VWA8: variants seen among roughly 807,000 people sequenced by gnomAD.
The protein encoded by VWA8 is von Willebrand factor A domain containing 8, also known as von Willebrand factor A domain-containing protein 8.
A neutral mutation model predicts 241.5 loss-of-function variants in VWA8; 221 were observed. The observed-to-expected ratio is 0.91, with a 90% CI of 0.82 to 1.02. The LOEUF (loss-of-function observed/expected upper bound fraction) is 1.02, where lower values mean the gene tolerates loss of function less well. Among genes scored for constraint, VWA8 ranks in the 50% least tolerant of loss-of-function variants. VWA8 has a pLI of 0.00. For missense variants in VWA8, 2,322 were observed against 2,328.7 expected (o/e 1.00, Z 0.06); for synonymous variants, 852 against 827.1 (o/e 1.03, Z -0.52).
chr13:41,935,763 GTT>G (rs1236352769), intron 2 of VWA8, among the ~76,000 whole-genome samples: 4 of 143,468 alleles, frequency 2.8e-5, no homozygotes, highest in Non-Finnish European at 3.1e-5. Context: ...ATTGTTCGAG[GTT>G]TTTTTTTTTT....
chr13:41,636,211 A>G (rs1470191984), intron 37 of VWA8, among the ~76,000 whole-genome samples: 2 of 152,096 alleles, frequency 1.3e-5, no homozygotes, highest in African/African-American at 4.8e-5. Flanking sequence ...GTAACCAAAA[A>G]CTGCTACCAA....
chr13:41,707,795 C>T (rs1397291788), intron 26 of VWA8, among the ~76,000 whole-genome samples: 2 of 152,170 alleles, frequency 1.3e-5, no homozygotes, highest in African/African-American at 4.8e-5. Context: ...TTCCTTTCTG[C>T]TCTGGCCTCC....
At chr13:41,740,284 T>C (rs1213498749) in intron 21 of VWA8, among the ~76,000 whole-genome samples, 1 of 152,190 alleles carries the variant, frequency 6.6e-6, no homozygotes, top group African/African-American at 2.4e-5. Flanking sequence ...TTGATGTAGA[T>C]TTTTTTAAAA....
chr13:41,578,870 G>A (rs1158581238), intron 42 of VWA8, among the ~76,000 whole-genome samples: 1 of 152,166 alleles, frequency 6.6e-6, no homozygotes, highest in African/African-American at 2.4e-5. Context: ...CTCAACTGCA[G>A]AGGACCAATT....
At chr13:41,923,984 A>C (rs1228317858) in intron 2 of VWA8, among the ~76,000 whole-genome samples, 1 of 152,096 alleles carries the variant, frequency 6.6e-6, no homozygotes, top group Non-Finnish European at 1.5e-5. Context: ...ACACACACAC[A>C]AACACACACA....
At position 41,927,292 on chromosome 13, in the gene VWA8, A is replaced by G. The variant is rs545931454; in HGVS notation, c.242-15124T>C. On this transcript the variant is annotated intron_variant, in intron 2 of 44. Transcript: ENST00000379310. ...ATTTCCTGCTATAAAACCCAAAGAC[A>G]AGGAGAATGTAGCAACCACTGATAT... is the stretch of plus-strand genomic sequence containing the variant. The G allele has an allele frequency of 5.8e-5, 30 of 517,376 alleles. No homozygotes were observed. The East Asian group carries it at 1.6e-3, about 28-fold the overall frequency. 32.0% of individuals were successfully genotyped at this position (517,376 alleles called of 1,614,324 possible).
intron 10 of VWA8, among the ~76,000 whole-genome samples, chr13:41,867,646 A>T (rs1349154895): frequency 6.6e-6 from 1 of 152,252 alleles, no homozygotes; most frequent in African/African-American, 2.4e-5. Flanking sequence ...CATGGTGGAT[A>T]TAATCAATAT....
intron 12 of VWA8, among the ~76,000 whole-genome samples, chr13:41,854,725 G>A (rs1305181322): frequency 6.6e-6 from 1 of 152,072 alleles, no homozygotes; most frequent in African/African-American, 2.4e-5. Flanking sequence ...AGTTATTACA[G>A]TACAGAATGA....
At chr13:41,870,730 C>T (rs1047540874) in intron 9 of VWA8, among the ~76,000 whole-genome samples, 1 of 151,874 alleles carries the variant, frequency 6.6e-6, no homozygotes, top group Non-Finnish European at 1.5e-5. Context: ...TTTCCCACAG[C>T]TAGAGTAGTG....
At chr13:41,923,618 T>C (rs1342019388) in intron 2 of VWA8, among the ~76,000 whole-genome samples, 1 of 152,044 alleles carries the variant, frequency 6.6e-6, no homozygotes, top group Non-Finnish European at 1.5e-5. Flanking sequence ...CTGTGGGCTG[T>C]GTCAGACTAG....
chr13:41,767,480 A>T (rs1388097390), intron 20 of VWA8, among the ~76,000 whole-genome samples: 2 of 152,256 alleles, frequency 1.3e-5, no homozygotes, highest in Non-Finnish European at 2.9e-5. Flanking sequence ...ATAACAAAAT[A>T]AGAGATCACT....
intron 43 of VWA8, among the ~76,000 whole-genome samples, chr13:41,574,833 T>C (rs1049090887): frequency 3.3e-5 from 5 of 152,186 alleles, no homozygotes. Flanking sequence ...GTACAACCAC[T>C]ATGGAAAACA....
At chr13:41,691,619 T>G (rs1392929270) in intron 31 of VWA8, among the ~76,000 whole-genome samples, 174 bp from the exon 32 acceptor site, 1 of 152,128 alleles carries the variant, frequency 6.6e-6, no homozygotes, top group Non-Finnish European at 1.5e-5. Flanking sequence ...CTAAACTATG[T>G]CAGGGTGTGT....
In VWA8 at chr13:41,833,437, T is replaced by C. The variant is rs1871567102; in HGVS notation, c.1520A>G (p.Glu507Gly). 6.2e-7 allele frequency: 1 copy of C among 1,613,880 alleles called. No individual in the cohort carries two copies. The highest frequency in any genetic ancestry group is 1.7e-5 in the Admixed American group (1 of 59,962). ...GCCATCCAGCAGGACCAGCTTGCCT[T>C]CCAGAGCAGCATTCACAAGGGGTGA... is the stretch of plus-strand genomic sequence containing the variant. ...RSSPLVNAAL[E>G]GKLVLLDGIH... The change falls in exon 13 of 45, where the codon GAA becomes GGA. Residue 507 changes from glutamate to glycine, a missense_variant. By Grantham distance (98) the Glu-to-Gly change is moderately conservative. Coordinates refer to ENST00000379310, the MANE Select transcript of VWA8 (RefSeq NM_015058.2).
At chr13:41,795,319 G>A (rs1203812990) in intron 17 of VWA8, among the ~76,000 whole-genome samples, 1 of 152,180 alleles carries the variant, frequency 6.6e-6, no homozygotes, top group African/African-American at 2.4e-5. Flanking sequence ...AGGCTGTGGA[G>A]AAATAGGAAT....
rs1220684885 is a variant in VWA8 at position 41,721,538 on chromosome 13, T to C, written c.2796A>G (p.Lys932=). Residue 932 remains lysine (K), a synonymous_variant, in exon 25 of 45, where the codon AAA becomes AAG. Coordinates refer to ENST00000379310, the MANE Select transcript of VWA8 (RefSeq NM_015058.2). ...TGAGCATCTCGAGCTCCGAGTGGGGTTTGGGGTTATCAACTGCATGGCAGC... is the reference window on the plus strand; with the variant it reads ...TGAGCATCTCGAGCTCCGAGTGGGGCTTGGGGTTATCAACTGCATGGCAGC... ...IFSCHAVDNP[K]PHSELEMLRQ... 6.2e-7 allele frequency: 1 copy of C among 1,613,298 alleles called. No individual in the cohort carries two copies. The highest frequency in any genetic ancestry group is 8.5e-7 in the Non-Finnish European group (1 of 1,179,718).
intron 20 of VWA8, among the ~76,000 whole-genome samples, chr13:41,768,460 G>C (rs1003152053): frequency 9.2e-5 from 14 of 152,156 alleles, no homozygotes; most frequent in African/African-American, 4.8e-5. Flanking sequence ...CATTAAGTTT[G>C]TAATTAATAG....
chr13:41,679,449 T>A lies in VWA8; in HGVS notation c.4328-4153A>T, dbSNP rs2045082557. On this transcript the variant is annotated intron_variant, in intron 35 of 44. Transcript: ENST00000379310. ...AAAAGAGTGATGTGTGCCCCCAAAC[T>A]GTGCTGATACCAAATTTTTGATTTT... Among the ~76,000 whole-genome samples the A allele has an allele frequency of 2.0e-5, 3 of 152,212 alleles. No homozygotes were observed. The South Asian group carries it at 6.2e-4, about 31-fold the overall frequency.
chr13:41,605,095 T>C (rs2139656418), intron 40 of VWA8, 73 bp downstream of exon 40: 2 of 1,472,116 alleles, frequency 1.4e-6, no homozygotes, highest in Non-Finnish European at 1.9e-6. Flanking sequence ...TTCAGATAAT[T>C]TTCTCCAAGA....
Sources: allele counts gnomAD v4.1 joint callset (sites outside exome capture counted in the v4.1 genomes callset), GRCh38; gene constraint gnomAD v4.1.1; transcripts MANE v1.5; gene names NCBI Gene and HGNC (gene_info 2026-07-23, HGNC 2026-07-21).